EDIL3: variants seen among roughly 807,000 people sequenced by gnomAD.
EDIL3 encodes EGF-like repeat and discoidin I-like domain-containing protein 3.
Under a neutral mutation model 67.4 loss-of-function variants are expected in EDIL3, and 37 were observed. The observed-to-expected ratio is 0.55, with a 90% CI of 0.42 to 0.72. The LOEUF is 0.72. EDIL3 is among the 30% of genes least tolerant of loss of function. The pLI is 0.00. For missense variants in EDIL3, 527 were observed against 586.3 expected (o/e 0.90, Z 1.04); for synonymous variants, 195 against 196.3 (o/e 0.99, Z 0.05).
At chr5:84,176,200 T>TATATATATATATATATATATATATAAA (rs1345560361) in intron 4 of EDIL3, among the ~76,000 whole-genome samples, 1 of 4,742 alleles carries the variant, frequency 2.1e-4, no homozygotes, top group African/African-American at 1.0e-3. Flanking sequence ...ATATATATAA[T>TATATATATATATATATATATATATAAA]ATATATATAT....
chr5:84,078,710 GA>G (rs1216634060), intron 6 of EDIL3: 1 of 152,142 alleles, frequency 6.6e-6, no homozygotes, highest in Non-Finnish European at 1.5e-5. Context: ...TGAAGTGGGG[GA>G]AAAATCATTG....
At chr5:84,158,341 TTAAAG>T (rs1333120508) in intron 4 of EDIL3, among the ~76,000 whole-genome samples, 11 of 151,994 alleles carry the variant, frequency 7.2e-5, no homozygotes, top group African/African-American at 1.2e-4. Flanking sequence ...CTGAAGGAAA[TTAAAG>T]TAAATACTGA....
intron 1 of EDIL3, among the ~76,000 whole-genome samples, chr5:84,366,460 C>T (rs1471188841): frequency 6.6e-6 from 1 of 152,172 alleles, no homozygotes; most frequent in Non-Finnish European, 1.5e-5. Context: ...AGGAGCTTTA[C>T]TTTGTCTAAT....
chr5:84,183,881 G>A (rs991000649), intron 3 of EDIL3, among the ~76,000 whole-genome samples: 7 of 152,146 alleles, frequency 4.6e-5, no homozygotes, highest in Admixed American at 2.6e-4. Context: ...AGAGGTGGGT[G>A]GATAACCTGA....
chr5:84,340,026 GA>G (rs1446632906), intron 1 of EDIL3, among the ~76,000 whole-genome samples: 1 of 151,896 alleles, frequency 6.6e-6, no homozygotes, highest in Non-Finnish European at 1.5e-5. Context: ...TTTTTACATA[GA>G]AAAATATTAA....
chr5:84,337,456 A>G (rs1342244501), intron 1 of EDIL3, among the ~76,000 whole-genome samples: 6 of 152,114 alleles, frequency 3.9e-5, no homozygotes, highest in Non-Finnish European at 8.8e-5. Context: ...AGTATAGGTA[A>G]CTAATAATAA....
chr5:83,951,227 T>A (rs1477935698), intron 10 of EDIL3, among the ~76,000 whole-genome samples: 1 of 151,764 alleles, frequency 6.6e-6, no homozygotes, highest in East Asian at 1.9e-4. Flanking sequence ...AATATATGGG[T>A]TCTCTAAAAA....
In EDIL3 at chr5:83,979,461, T is replaced by C. The variant is rs188541164; in HGVS notation, c.1138-16101A>G. Among the ~76,000 whole-genome samples, 53 of 152,200 alleles carry C rather than the reference T, an allele frequency of 3.5e-4. No homozygotes were observed. In the East Asian group the frequency reaches 9.9e-3, roughly 28 times the overall value. On this transcript the variant is annotated intron_variant, in intron 9 of 10. Coordinates refer to ENST00000296591, the MANE Select transcript of EDIL3 (RefSeq NM_005711.5). ...CAAGGAGACATATATAATAAACTTA[T>C]CTGTAGCATTACTGTTTTAGCAAAT...
rs970650399 is a variant in EDIL3 at position 84,320,753 on chromosome 5, T to C, written c.67+63555A>G. On this transcript the variant is annotated intron_variant, in intron 1 of 10. Transcript: ENST00000296591. ...CTGCAACTGTTCTGGTTCCAAGCCA[T>C]CTTATACTAAATATAGGACTAAAAC... Among the ~76,000 whole-genome samples, 4 of 152,286 alleles carry C rather than the reference T, an allele frequency of 2.6e-5. No individual in the cohort carries two copies. In the East Asian group the frequency reaches 5.8e-4, roughly 22 times the overall value.
chr5:84,300,724 C>A (rs1746141583), intron 1 of EDIL3, among the ~76,000 whole-genome samples: 1 of 151,942 alleles, frequency 6.6e-6, no homozygotes, highest in Non-Finnish European at 1.5e-5. Context: ...TAAGTGCTTC[C>A]ATTTATAATT....
chr5:84,306,405 T>A (rs965838235), intron 1 of EDIL3, among the ~76,000 whole-genome samples: 1 of 152,240 alleles, frequency 6.6e-6, no homozygotes, highest in Non-Finnish European at 1.5e-5. Context: ...ACTTTATTAA[T>A]AATACCATAC....
chr5:84,173,617 G>T (rs1163622639), intron 4 of EDIL3, among the ~76,000 whole-genome samples: 1 of 152,158 alleles, frequency 6.6e-6, no homozygotes, highest in Non-Finnish European at 1.5e-5. Context: ...TGTGGAACAT[G>T]CAGGCAGAGG....
intron 5 of EDIL3, among the ~76,000 whole-genome samples, chr5:84,123,189 A>G (rs147033684): frequency 6.6e-6 from 1 of 152,128 alleles, no homozygotes; most frequent in African/African-American, 2.4e-5. Flanking sequence ...TTTCAATGCT[A>G]ACATCTTCAA....
intron 1 of EDIL3, among the ~76,000 whole-genome samples, chr5:84,360,845 A>C (rs964573110): frequency 9.9e-5 from 15 of 152,182 alleles, no homozygotes; most frequent in African/African-American, 3.6e-4. Context: ...AAGAATGCAA[A>C]TATCATTTCC....
At chr5:84,073,438 C>T (rs1053025596) in intron 6 of EDIL3, among the ~76,000 whole-genome samples, 22 of 151,994 alleles carry the variant, frequency 1.4e-4, no homozygotes, top group African/African-American at 4.3e-4. Context: ...GATTGTATAC[C>T]TAGAAAACCC....
At chr5:83,970,891 G>A (rs562128601) in intron 9 of EDIL3, among the ~76,000 whole-genome samples, 16 of 151,408 alleles carry the variant, frequency 1.1e-4, no homozygotes, top group Middle Eastern at 6.8e-3. Flanking sequence ...GCTGCAGACT[G>A]TTTTCTAGGA....
intron 1 of EDIL3, among the ~76,000 whole-genome samples, chr5:84,332,896 G>A (rs1746903543): frequency 2.0e-5 from 3 of 152,298 alleles, no homozygotes; most frequent in Admixed American, 2.0e-4. Flanking sequence ...TTTTGAAATT[G>A]AGATTGAGAG....
At chr5:84,383,624 G>A (rs1051860648) in intron 1 of EDIL3, among the ~76,000 whole-genome samples, 8 of 152,158 alleles carry the variant, frequency 5.3e-5, no homozygotes, top group Non-Finnish European at 7.4e-5. Flanking sequence ...GTACTCGGAG[G>A]GGGTGCGCAG....
At chr5:84,218,299 AG>A (rs2112397114) in intron 3 of EDIL3, among the ~76,000 whole-genome samples, 1 of 152,368 alleles carries the variant, frequency 6.6e-6, no homozygotes, top group East Asian at 1.9e-4. Flanking sequence ...GGAATGTTCT[AG>A]GCAACGCAGT....
Sources: allele counts gnomAD v4.1 joint callset (sites outside exome capture counted in the v4.1 genomes callset), GRCh38; gene constraint gnomAD v4.1.1; transcripts MANE v1.5; gene names NCBI Gene and HGNC (gene_info 2026-07-23, HGNC 2026-07-21).